Variants in NEGR1 observed in about 807,000 individuals in gnomAD.
NEGR1 encodes the protein neuronal growth regulator 1, also known as IgLON family member 4.
Under a neutral mutation model 40.9 loss-of-function variants are expected in NEGR1, and 10 were observed. That is an observed-to-expected ratio of 0.24 (90% CI 0.15 to 0.42). The LOEUF (loss-of-function observed/expected upper bound fraction) is 0.42, where lower values mean the gene tolerates loss of function less well. Among genes scored for constraint, NEGR1 ranks in the 10% least tolerant of loss-of-function variants. The pLI is 1.00. For missense variants in NEGR1, 352 were observed against 438.9 expected, an observed-to-expected ratio of 0.80 and a Z score of 1.77; for synonymous variants, 185 against 166.8, an observed-to-expected ratio of 1.11 and a Z score of -0.84.
intron 6 of NEGR1, among the ~76,000 whole-genome samples, chr1:71,449,339 G>T (rs1646607329): frequency 6.6e-6 from 1 of 152,128 alleles, no homozygotes; most frequent in Admixed American, 6.5e-5. Flanking sequence ...TATATTTAAA[G>T]TTTTGCAAAT....
intron 6 of NEGR1, among the ~76,000 whole-genome samples, chr1:71,416,057 T>G (rs1646352850): frequency 6.6e-6 from 1 of 152,076 alleles, no homozygotes; most frequent in Non-Finnish European, 1.5e-5. Context: ...GAAAAGAAGG[T>G]TTTACAGAAA....
chr1:71,609,166 T>C (rs1329621511), intron 5 of NEGR1, among the ~76,000 whole-genome samples: 5 of 151,994 alleles, frequency 3.3e-5, no homozygotes, highest in Admixed American at 2.6e-4. Flanking sequence ...ACCCAAATTA[T>C]AGAAGTTGCA....
chr1:72,273,943 G>T (rs1455094591), intron 1 of NEGR1, among the ~76,000 whole-genome samples: 1 of 151,016 alleles, frequency 6.6e-6, no homozygotes, highest in African/African-American at 2.4e-5. Context: ...CTGTGCTAAG[G>T]CCCTAGGGAT....
At chr1:71,869,874 T>C (rs1660225281) in intron 2 of NEGR1, among the ~76,000 whole-genome samples, 1 of 150,856 alleles carries the variant, frequency 6.6e-6, no homozygotes, top group Non-Finnish European at 1.5e-5. Context: ...GGATAGCTTT[T>C]CTTTCTTTCT....
chr1:71,759,656 C>T (rs1655872958), intron 3 of NEGR1, among the ~76,000 whole-genome samples: 1 of 127,898 alleles, frequency 7.8e-6, no homozygotes, highest in Non-Finnish European at 1.6e-5. Flanking sequence ...GTCGCCCAGG[C>T]TGGAGTGCAG....
At position 71,928,093 on chromosome 1, in the gene NEGR1, C is replaced by CACACATATGTATATAT. The variant is rs1457296738; in HGVS notation, c.409+6970_409+6985dup. ...ACATATGTACATATATGTATATATACACACATATGTATATATACACATATG... is the reference window on the plus strand; with the variant it reads ...ACATATGTACATATATGTATATATACACACATATGTATATATACACATATGTATATATACACATATG... On this transcript the variant is annotated intron_variant, in intron 2 of 6. Transcript: ENST00000357731. Among the ~76,000 whole-genome samples, 2 of 119,034 alleles carry CACACATATGTATATAT rather than the reference C, an allele frequency of 1.7e-5. 1 individual carries two copies. Among genetic ancestry groups the CACACATATGTATATAT allele is most frequent in the East Asian group, 4.4e-4 (2 of 4,560 alleles). The allele number at this position is 119,034 out of a possible 152,430, so 78.1% of individuals were successfully genotyped here. A position where few individuals can be genotyped will look rare whatever the true frequency, so the allele number is the denominator to read the frequency against.
chr1:72,252,654 G>A lies in NEGR1; in HGVS notation c.176+29665C>T, dbSNP rs370998492. On this transcript the variant is annotated intron_variant, in intron 1 of 6. Transcript: ENST00000357731. The stretch of plus-strand genomic sequence containing the variant: ...AAGAAGGTGAGGAATATTTGTATGC[G>A]CACGTTTACATGAGGGAGAGAGAGA... Among the ~76,000 whole-genome samples the A allele has an allele frequency of 8.3e-4, 126 of 152,136 alleles. 1 individual carries two copies. The South Asian group carries it at 0.023, about 28-fold the overall frequency.
chr1:72,274,910 G>A lies in NEGR1; in HGVS notation c.176+7409C>T, dbSNP rs566821976. 6.5e-4 allele frequency: 1,034 copies of A among 1,590,010 alleles called. 11 individuals are homozygous for A. In the African/African-American group the frequency reaches 0.012, roughly 19 times the overall value. Reference sequence around the variant, plus strand: ...ATTATTCCACAGAACCAAGTCAATCGAAAGTCAGATATCTACGTCTGCATG... The same window carrying A: ...ATTATTCCACAGAACCAAGTCAATCAAAAGTCAGATATCTACGTCTGCATG... On this transcript the variant is annotated intron_variant, in intron 1 of 6. Coordinates refer to ENST00000357731, the MANE Select transcript of NEGR1 (RefSeq NM_173808.3).
At chr1:72,274,411 C>G (rs1655965983) in intron 1 of NEGR1, 1 of 475,512 alleles carries the variant, frequency 2.1e-6, no homozygotes, top group African/African-American at 2.0e-5. Flanking sequence ...TTAGAATCTC[C>G]TGAACCTCAA....
At chr1:72,085,151 A>T (rs1444261605) in intron 1 of NEGR1, among the ~76,000 whole-genome samples, 2 of 152,204 alleles carry the variant, frequency 1.3e-5, no homozygotes, top group Non-Finnish European at 2.9e-5. Flanking sequence ...GACTGCTTCA[A>T]TAAAGGTAAT....
intron 1 of NEGR1, among the ~76,000 whole-genome samples, chr1:72,131,949 A>T (rs558880158): frequency 8.9e-4 from 135 of 152,130 alleles, no homozygotes; most frequent in African/African-American, 2.2e-3. Context: ...ATACAAAAAA[A>T]TTAGCCAGGC....
intron 1 of NEGR1, among the ~76,000 whole-genome samples, chr1:72,166,250 G>T (rs1651761263): frequency 6.6e-6 from 1 of 151,904 alleles, no homozygotes; most frequent in Admixed American, 6.6e-5. Context: ...CCTCATACCT[G>T]TCAAAATAGC....
At chr1:71,815,539 C>G (rs1262590117) in intron 2 of NEGR1, among the ~76,000 whole-genome samples, 5 of 151,972 alleles carry the variant, frequency 3.3e-5, no homozygotes, top group Admixed American at 3.3e-4. Flanking sequence ...GTGTGGGAAC[C>G]TAAGTCTCTT....
intron 6 of NEGR1, among the ~76,000 whole-genome samples, chr1:71,547,665 C>T (rs190150700): frequency 6.6e-6 from 1 of 151,824 alleles, no homozygotes; most frequent in East Asian, 2.0e-4. Context: ...ATTTCATGCA[C>T]ATTTTGGAAA....
At chr1:72,077,955 T>C (rs1299434726) in intron 1 of NEGR1, among the ~76,000 whole-genome samples, 5 of 152,166 alleles carry the variant, frequency 3.3e-5, no homozygotes, top group East Asian at 1.9e-4. Flanking sequence ...AATTGTAGTA[T>C]AGTAAATAAT....
intron 3 of NEGR1, among the ~76,000 whole-genome samples, chr1:71,709,931 A>G (rs1183069327): frequency 5.3e-5 from 8 of 152,228 alleles, no homozygotes; most frequent in Non-Finnish European, 1.2e-4. Context: ...CAAAGGATAC[A>G]GTCTATGAGT....
At chr1:71,428,366 G>A (rs1646442956) in intron 6 of NEGR1, among the ~76,000 whole-genome samples, 2 of 152,070 alleles carry the variant, frequency 1.3e-5, no homozygotes, top group Admixed American at 1.3e-4. Flanking sequence ...TAATAGTAGT[G>A]TTCAAATCAA....
At chr1:71,797,530 G>C (rs1255924515) in intron 2 of NEGR1, among the ~76,000 whole-genome samples, 4 of 151,918 alleles carry the variant, frequency 2.6e-5, no homozygotes. Context: ...TGTAAAATTT[G>C]GATAATTAGA....
At chr1:71,613,828 C>G (rs1369057146) in intron 4 of NEGR1, among the ~76,000 whole-genome samples, 1 of 152,008 alleles carries the variant, frequency 6.6e-6, no homozygotes, top group Non-Finnish European at 1.5e-5. Context: ...AAAACTAGTT[C>G]ATTCAGAAAT....
Sources: gnomAD v4.1 joint callset for allele counts (sites outside exome capture counted in the v4.1 genomes callset) on GRCh38, gnomAD v4.1.1 for gene constraint, MANE v1.5 for transcripts, NCBI Gene and HGNC (gene_info 2026-07-23, HGNC 2026-07-21) for gene names.